FZD3: variants seen among roughly 807,000 people sequenced by gnomAD.
The protein encoded by FZD3 is frizzled-3.
Under a neutral mutation model 60.7 loss-of-function variants are expected in FZD3, and 30 were observed. The ratio of observed to expected loss-of-function variants is 0.49; its 90% CI spans 0.37 to 0.67. FZD3 has a LOEUF of 0.67. Among genes scored for constraint, FZD3 ranks in the 30% least tolerant of loss-of-function variants. FZD3 has a pLI of 0.00. For missense variants in FZD3, 605 were observed against 838.7 expected, an observed-to-expected ratio of 0.72 and a Z score of 3.44; for synonymous variants, 246 against 275.2, an observed-to-expected ratio of 0.89 and a Z score of 1.05.
chr8:28,542,510 T>C (rs564695958), intron 5 of FZD3, among the ~76,000 whole-genome samples: 1 of 152,240 alleles, frequency 6.6e-6, no homozygotes, highest in Admixed American at 6.5e-5. Flanking sequence ...TAGTGGCGCA[T>C]GCCTGTAATC....
rs1025615059 is a variant in FZD3, at chr8:28,511,127, G to A, written c.189+7925G>A. ...AACACTTTGGGAGTCTGAGGTGGGC[G>A]GATCACTTGAGGTCAGGAGTTTGAG... is the stretch of plus-strand genomic sequence containing the variant. On this transcript the variant is annotated intron_variant, in intron 3 of 7. Transcript: ENST00000240093. 5.3e-5 allele frequency among the ~76,000 whole-genome samples: 8 copies of A among 151,858 alleles called. 1 individual carries two copies. The highest frequency in any genetic ancestry group is 4.2e-4 in the South Asian group (2 of 4,814).
Position 28,502,862 on chromosome 8 carries a change from C to A in FZD3, c.-152C>A. On this transcript the variant is annotated 5_prime_UTR_variant, in exon 3 of 8. Transcript: ENST00000240093. The stretch of plus-strand genomic sequence containing the variant: ...CTTTTGTGAGACCAAGCTAACAAAC[C>A]TCTGACGGTGCGAAGAGTATTTAAC... 1 of 457,966 alleles carries A rather than the reference C, an allele frequency of 2.2e-6. No homozygotes were observed. The highest frequency in any genetic ancestry group is 3.9e-6 in the Non-Finnish European group (1 of 259,588). The allele number at this position is 457,966 out of a possible 1,614,324, so 28.4% of individuals were successfully genotyped here.
At chr8:28,544,064 C>T (rs973457400) in intron 5 of FZD3, among the ~76,000 whole-genome samples, 5 of 151,352 alleles carry the variant, frequency 3.3e-5, no homozygotes, top group African/African-American at 1.2e-4. Context: ...TTTATTTTAC[C>T]GCAGAGTATG....
intron 6 of FZD3, among the ~76,000 whole-genome samples, chr8:28,552,111 TTCTCATC>T (rs1805422621): frequency 6.6e-6 from 1 of 152,194 alleles, no homozygotes; most frequent in South Asian, 2.1e-4. Flanking sequence ...TTGACATATA[TTCTCATC>T]TCTCTTTTAC....
chr8:28,526,233 T>G (rs2130369928), intron 4 of FZD3, among the ~76,000 whole-genome samples: 1 of 152,256 alleles, frequency 6.6e-6, no homozygotes. Context: ...GCAACGTGCT[T>G]ACCTCTCCAG....
chr8:28,515,052 G>C (rs1179755599), intron 3 of FZD3, among the ~76,000 whole-genome samples: 2 of 152,172 alleles, frequency 1.3e-5, no homozygotes, highest in Admixed American at 6.5e-5. Context: ...TGTTGGATAA[G>C]TTACTTCGTT....
At chr8:28,536,248 C>G (rs563089679) in intron 5 of FZD3, among the ~76,000 whole-genome samples, 2 of 152,032 alleles carry the variant, frequency 1.3e-5, no homozygotes, top group Non-Finnish European at 2.9e-5. Flanking sequence ...TAAAATGCCC[C>G]TTCATTTTTT....
intron 5 of FZD3, among the ~76,000 whole-genome samples, chr8:28,540,776 G>C (rs1259858414): frequency 6.6e-6 from 1 of 151,918 alleles, no homozygotes; most frequent in Non-Finnish European, 1.5e-5. Flanking sequence ...GAAACCTTGT[G>C]TCTACTAAAA....
chr8:28,503,466 T>C (rs1173475393), intron 3 of FZD3, among the ~76,000 whole-genome samples: 1 of 152,186 alleles, frequency 6.6e-6, no homozygotes, highest in African/African-American at 2.4e-5. Context: ...ATAGCAGCCA[T>C]TCAGAAGTTT....
At chr8:28,514,636 C>T (rs946276463) in intron 3 of FZD3, among the ~76,000 whole-genome samples, 2 of 152,106 alleles carry the variant, frequency 1.3e-5, no homozygotes, top group Non-Finnish European at 2.9e-5. Flanking sequence ...AGAATCATGC[C>T]GTATCTACTT....
In FZD3 at chr8:28,512,697, G is replaced by A. The variant is rs963021936; in HGVS notation, c.190-7941G>A. On this transcript the variant is annotated intron_variant, in intron 3 of 7. Coordinates refer to ENST00000240093, the MANE Select transcript of FZD3 (RefSeq NM_017412.4). ...ATTTTGATTGGATAAGTACAATATA[G>A]GGAAGAACTTGGTAAATACCGCAAA... 3.9e-5 allele frequency among the ~76,000 whole-genome samples: 6 copies of A among 152,032 alleles called. No homozygotes were observed. In the East Asian group the frequency reaches 9.6e-4, roughly 24 times the overall value.
intron 2 of FZD3, 113 bp from the exon 3 acceptor site, chr8:28,502,554 ATTG>A (rs1240513280): frequency 6.6e-6 from 1 of 152,294 alleles, no homozygotes; most frequent in African/African-American, 2.4e-5. Context: ...GTACCCACAT[ATTG>A]TTAACTATTA....
chr8:28,498,063 C>T (rs1484580774), intron 1 of FZD3, among the ~76,000 whole-genome samples: 1 of 152,124 alleles, frequency 6.6e-6, no homozygotes, highest in Non-Finnish European at 1.5e-5. Flanking sequence ...AATGGGTAAG[C>T]TTTAAAGTAT....
intron 1 of FZD3, among the ~76,000 whole-genome samples, chr8:28,499,054 A>ATTAAT (rs1803922088): frequency 6.6e-6 from 1 of 152,214 alleles, no homozygotes; most frequent in Non-Finnish European, 1.5e-5. Context: ...GTAGTCAATA[A>ATTAAT]ACCAGTCATT....
At chr8:28,516,217 A>C (rs935212421) in intron 3 of FZD3, among the ~76,000 whole-genome samples, 1 of 152,162 alleles carries the variant, frequency 6.6e-6, no homozygotes, top group Non-Finnish European at 1.5e-5. Flanking sequence ...CATACATGTG[A>C]TGGTTTAATT....
At position 28,568,514 on chromosome 8, in the gene FZD3, A is replaced by G. The variant is rs931710196; in HGVS notation, c.*5503A>G. ...GTCATCAAATTGATATAGGATTACA[A>G]TTTTCTCTCAGGATCCAAGTCTTCT... On this transcript the variant is annotated 3_prime_UTR_variant, in exon 8 of 8. Coordinates refer to ENST00000240093, the MANE Select transcript of FZD3 (RefSeq NM_017412.4). 7 of 152,032 alleles carry G rather than the reference A, an allele frequency of 4.6e-5. No homozygotes were observed. The highest frequency in any genetic ancestry group is 7.2e-5 in the African/African-American group (3 of 41,396). 9.4% of individuals were successfully genotyped at this position (152,032 alleles called of 1,614,324 possible). A position where few individuals can be genotyped will look rare whatever the true frequency, so the allele number is the denominator to read the frequency against.
intron 3 of FZD3, among the ~76,000 whole-genome samples, chr8:28,507,286 A>T (rs1236535021): frequency 1.3e-5 from 2 of 151,804 alleles, no homozygotes; most frequent in African/African-American, 2.4e-5. Flanking sequence ...TATCTTATAG[A>T]GTTTCCCATA....
intron 3 of FZD3, among the ~76,000 whole-genome samples, chr8:28,506,432 A>G (rs921525315): frequency 2.0e-5 from 3 of 152,166 alleles, no homozygotes; most frequent in Admixed American, 2.0e-4. Context: ...GAATTTTGAA[A>G]AGTTAAAGTG....
Position 28,536,252 on chromosome 8 carries a change from A to G in FZD3, c.1404+8088A>G, listed in dbSNP as rs17059200. The stretch of plus-strand genomic sequence containing the variant: ...CCTTCCTTTCCTAAAATGCCCCTTC[A>G]TTTTTTTCATCTCTTTCATCCATCT... On this transcript the variant is annotated intron_variant, in intron 5 of 7. Coordinates refer to ENST00000240093, the MANE Select transcript of FZD3 (RefSeq NM_017412.4). Among the ~76,000 whole-genome samples the G allele has an allele frequency of 9.1e-3, 1,381 of 152,044 alleles. 8 individuals are homozygous for G. Among genetic ancestry groups the G allele is most frequent in the African/African-American group, 0.02 (822 of 41,466 alleles).
Sources: allele counts gnomAD v4.1 joint callset (sites outside exome capture counted in the v4.1 genomes callset), GRCh38; gene constraint gnomAD v4.1.1; transcripts MANE v1.5; gene names NCBI Gene and HGNC (gene_info 2026-07-23, HGNC 2026-07-21).